The following LHFPL6 variants were observed in gnomAD, a reference collection of about 807,000 sequenced individuals.
LHFPL6 encodes LHFPL tetraspan subfamily member 6 protein.
LHFPL6 carries 9 observed loss-of-function variants against 20.6 expected under a neutral mutation model. That is an observed-to-expected ratio of 0.44 (90% CI 0.26 to 0.76). The LOEUF is 0.76. LHFPL6 is among the 30% of genes least tolerant of loss of function. The probability of loss-of-function intolerance (pLI) is 0.20; values close to 1 mark genes in which losing one functional copy is unlikely to be tolerated. For synonymous variants in LHFPL6, 105 were observed against 98.7 expected, an observed-to-expected ratio of 1.06 and a Z score of -0.38; for missense variants, 218 against 253.5, an observed-to-expected ratio of 0.86 and a Z score of 0.95.
chr13:39,387,857 TAAG>T (rs1870607090), intron 2 of LHFPL6, among the ~76,000 whole-genome samples: 1 of 152,162 alleles, frequency 6.6e-6, no homozygotes, highest in Non-Finnish European at 1.5e-5. Context: ...ACCATTTGTC[TAAG>T]AATGACACTG....
chr13:39,516,234 G>A (rs1869911049), intron 2 of LHFPL6, among the ~76,000 whole-genome samples: 1 of 152,182 alleles, frequency 6.6e-6, no homozygotes, highest in Admixed American at 6.5e-5. Flanking sequence ...GGAAATGAAT[G>A]CCAAACATTT....
chr13:39,435,849 T>C (rs1871943362), intron 2 of LHFPL6, among the ~76,000 whole-genome samples: 2 of 152,128 alleles, frequency 1.3e-5, no homozygotes, highest in Non-Finnish European at 2.9e-5. Context: ...AAACAACCTA[T>C]TGAAACAGGT....
intron 2 of LHFPL6, among the ~76,000 whole-genome samples, chr13:39,558,506 T>C (rs1447764327): frequency 6.6e-6 from 1 of 152,244 alleles, no homozygotes; most frequent in Non-Finnish European, 1.5e-5. Flanking sequence ...TTCAATGTTC[T>C]CTCATAATGA....
chr13:39,473,861 A>G (rs1352453781), intron 2 of LHFPL6, among the ~76,000 whole-genome samples: 2 of 152,246 alleles, frequency 1.3e-5, no homozygotes, highest in African/African-American at 4.8e-5. Context: ...TTGTATGACT[A>G]CAGGACACAT....
intron 2 of LHFPL6, among the ~76,000 whole-genome samples, chr13:39,452,447 G>T (rs999619143): frequency 1.3e-5 from 2 of 152,286 alleles, no homozygotes; most frequent in East Asian, 1.9e-4. Context: ...GGAGGAGGGG[G>T]TCATACATTT....
At chr13:39,534,387 G>A (rs569430080) in intron 2 of LHFPL6, among the ~76,000 whole-genome samples, 3 of 152,186 alleles carry the variant, frequency 2.0e-5, no homozygotes, top group African/African-American at 7.2e-5. Context: ...AAATGCAGTG[G>A]TGTTAAGCAT....
intron 2 of LHFPL6, among the ~76,000 whole-genome samples, chr13:39,528,929 TTACTC>T (rs1164695422): frequency 6.6e-5 from 10 of 152,212 alleles, no homozygotes; most frequent in Non-Finnish European, 1.5e-4. Flanking sequence ...TTTCGAAGAA[TTACTC>T]TATCTTGTCA....
chr13:39,425,976 T>C (rs1233683220), intron 2 of LHFPL6, among the ~76,000 whole-genome samples: 1 of 152,188 alleles, frequency 6.6e-6, no homozygotes, highest in Admixed American at 6.5e-5. Context: ...TTTCATTCTG[T>C]TAATAGTCTT....
intron 3 of LHFPL6, among the ~76,000 whole-genome samples, chr13:39,367,380 A>C (rs1870040618): frequency 6.6e-6 from 1 of 152,230 alleles, no homozygotes; most frequent in African/African-American, 2.4e-5. Flanking sequence ...TTGAAATAAT[A>C]AAAAAGACAA....
At chr13:39,352,911 GTA>G (rs1188362279) in intron 3 of LHFPL6, among the ~76,000 whole-genome samples, 4 of 51,758 alleles carry the variant, frequency 7.7e-5, no homozygotes, top group Non-Finnish European at 1.1e-4. Context: ...ATATATAAAT[GTA>G]TATATATATA....
intron 2 of LHFPL6, among the ~76,000 whole-genome samples, chr13:39,572,321 T>C (rs1038878417): frequency 9.2e-5 from 14 of 151,740 alleles, no homozygotes; most frequent in African/African-American, 3.4e-4. Context: ...TGTGTGTGTG[T>C]GTGTGTGTGA....
intron 2 of LHFPL6, among the ~76,000 whole-genome samples, chr13:39,561,187 T>C (rs543170603): frequency 6.6e-6 from 1 of 151,818 alleles, no homozygotes; most frequent in African/African-American, 2.4e-5. Context: ...CCACTCCCCA[T>C]ACCCCTCTCT....
At chr13:39,509,735 G>A (rs768797076) in intron 2 of LHFPL6, among the ~76,000 whole-genome samples, 14 of 152,112 alleles carry the variant, frequency 9.2e-5, no homozygotes, top group Non-Finnish European at 1.9e-4. Flanking sequence ...TGAGGAGGGA[G>A]GATCCCTTGA....
intron 2 of LHFPL6, among the ~76,000 whole-genome samples, chr13:39,504,802 A>T (rs1235148381): frequency 6.6e-6 from 1 of 152,228 alleles, no homozygotes; most frequent in East Asian, 1.9e-4. Context: ...TAATTCTAGT[A>T]CTTATGCTCA....
At chr13:39,345,512 C>CAA (rs71077225) in intron 3 of LHFPL6, among the ~76,000 whole-genome samples, 610 of 43,262 alleles carry the variant, frequency 0.014, 66 homozygotes, top group African/African-American at 0.03. Flanking sequence ...GACTCCATCT[C>CAA]AAAAAAAAAA....
chr13:39,479,131 A>C (rs1566120872), intron 2 of LHFPL6, among the ~76,000 whole-genome samples: 1 of 151,278 alleles, frequency 6.6e-6, no homozygotes, highest in Non-Finnish European at 1.5e-5. Flanking sequence ...CTATCTATCT[A>C]TCTATCTATC....
At chr13:39,570,442 C>G (rs1871878917) in intron 2 of LHFPL6, among the ~76,000 whole-genome samples, 2 of 151,676 alleles carry the variant, frequency 1.3e-5, no homozygotes, top group African/African-American at 4.8e-5. Context: ...CCACGCCTGG[C>G]TAATTTATGT....
intron 2 of LHFPL6, among the ~76,000 whole-genome samples, chr13:39,391,063 T>C (rs990253105): frequency 2.6e-5 from 4 of 152,174 alleles, no homozygotes; most frequent in African/African-American, 9.6e-5. Flanking sequence ...AAAGTATCAA[T>C]TGAAAAGCCT....
intron 2 of LHFPL6, among the ~76,000 whole-genome samples, chr13:39,566,051 A>C (rs1217206609): frequency 6.6e-6 from 1 of 152,238 alleles, no homozygotes; most frequent in Non-Finnish European, 1.5e-5. Context: ...ACAAATGAAG[A>C]AAGGACTTTT....
Sources: gnomAD v4.1 joint callset for allele counts (sites outside exome capture counted in the v4.1 genomes callset) on GRCh38, gnomAD v4.1.1 for gene constraint, MANE v1.5 for transcripts, NCBI Gene and HGNC (gene_info 2026-07-23, HGNC 2026-07-21) for gene names.